The following TANC1 variants were observed in gnomAD, a reference collection of about 807,000 sequenced individuals.
The protein encoded by TANC1 is tetratricopeptide repeat, ankyrin repeat and coiled-coil containing 1.
A neutral mutation model predicts 149.7 loss-of-function variants in TANC1; 77 were observed. The ratio of observed to expected loss-of-function variants is 0.51; its 90% CI spans 0.43 to 0.62. The LOEUF (loss-of-function observed/expected upper bound fraction) is 0.62. Ranked by LOEUF, TANC1 falls within the 20% of genes least tolerant of loss-of-function variation. The pLI is 0.00. For synonymous variants in TANC1, 854 were observed against 925.0 expected, an observed-to-expected ratio of 0.92 and a Z score of 1.39; for missense variants, 1,985 against 2,321.8, an observed-to-expected ratio of 0.85 and a Z score of 2.98.
intron 16 of TANC1, 33 bp downstream of exon 16, chr2:159,187,057 C>A: frequency 1.9e-6 from 3 of 1,609,660 alleles, no homozygotes; most frequent in Non-Finnish European, 2.5e-6. Context: ...AGCCGGAGAC[C>A]CAGCCCTGGC....
intron 14 of TANC1, 80 bp from the exon 15 acceptor site, chr2:159,185,711 A>G (rs2056909193): frequency 1.1e-6 from 1 of 892,394 alleles, no homozygotes; most frequent in Non-Finnish European, 1.8e-6. Flanking sequence ...GACTAAGGCA[A>G]TGGGTGGTGA....
At chr2:159,160,197 G>A (rs559496104) in intron 7 of TANC1, among the ~76,000 whole-genome samples, 105 of 152,142 alleles carry the variant, frequency 6.9e-4, no homozygotes, top group African/African-American at 2.4e-3. Context: ...ACCCAGTTTG[G>A]GTGATGATAG....
intron 2 of TANC1, among the ~76,000 whole-genome samples, chr2:159,041,441 C>T (rs1476614699): frequency 3.3e-5 from 5 of 152,224 alleles, no homozygotes; most frequent in African/African-American, 1.2e-4. Context: ...GGACTCCACA[C>T]AGTTCGAGCT....
chr2:158,990,232 G>A (rs1326786103), intron 1 of TANC1, among the ~76,000 whole-genome samples: 2 of 152,100 alleles, frequency 1.3e-5, no homozygotes, highest in Non-Finnish European at 2.9e-5. Context: ...CACAGCACCC[G>A]GCCAAAATGG....
chr2:158,977,879 T>C (rs754203540), intron 1 of TANC1, among the ~76,000 whole-genome samples: 35 of 152,252 alleles, frequency 2.3e-4, no homozygotes, highest in Non-Finnish European at 4.4e-4. Flanking sequence ...CCTGATACTT[T>C]GTTTCAATTT....
intron 3 of TANC1, among the ~76,000 whole-genome samples, chr2:159,094,489 C>T (rs562946602): frequency 2.0e-4 from 31 of 152,262 alleles, no homozygotes; most frequent in Non-Finnish European, 3.7e-4. Flanking sequence ...ACAACCATCC[C>T]TCAGCTTTTA....
At chr2:159,227,792 C>A (rs1194756495) in intron 24 of TANC1, 27 bp from the exon 25 acceptor site, 6 of 1,612,322 alleles carry the variant, frequency 3.7e-6, no homozygotes, top group Non-Finnish European at 4.2e-6. Context: ...TGAAAAAGGA[C>A]AAATGTTTGT....
intron 22 of TANC1, among the ~76,000 whole-genome samples, chr2:159,220,944 A>G (rs2059670851): frequency 6.6e-6 from 1 of 152,204 alleles, no homozygotes; most frequent in African/African-American, 2.4e-5. Flanking sequence ...ATGTTTTGAT[A>G]CTTGTACACA....
chr2:159,058,807 G>T (rs1267373769), intron 2 of TANC1, among the ~76,000 whole-genome samples: 1 of 151,236 alleles, frequency 6.6e-6, no homozygotes, highest in African/African-American at 2.4e-5. Flanking sequence ...ACTGGCTAAG[G>T]TAAGGTGTTT....
At chr2:159,161,633 A>G (rs1237136815) in intron 7 of TANC1, among the ~76,000 whole-genome samples, 2 of 152,182 alleles carry the variant, frequency 1.3e-5, no homozygotes, top group Non-Finnish European at 2.9e-5. Context: ...CAACACCACC[A>G]TTGGCATTTT....
chr2:159,006,358 T>G (rs984367500), intron 2 of TANC1, among the ~76,000 whole-genome samples: 2 of 150,656 alleles, frequency 1.3e-5, no homozygotes, highest in South Asian at 4.2e-4. Context: ...ATACAAAATA[T>G]TTTATAAACC....
intron 2 of TANC1, chr2:159,026,915 G>C (rs956640943): frequency 1.3e-5 from 2 of 152,112 alleles, no homozygotes; most frequent in African/African-American, 2.4e-5. Context: ...GAAATGGCAG[G>C]GGTCTTTTTC....
intron 2 of TANC1, among the ~76,000 whole-genome samples, chr2:159,024,820 A>G (rs1435414028): frequency 6.6e-6 from 1 of 152,148 alleles, no homozygotes; most frequent in East Asian, 1.9e-4. Context: ...ATGTTTAGAT[A>G]TGTTTAGATA....
intron 4 of TANC1, among the ~76,000 whole-genome samples, chr2:159,107,243 T>C (rs2047273713): frequency 6.6e-6 from 1 of 152,166 alleles, no homozygotes; most frequent in Non-Finnish European, 1.5e-5. Flanking sequence ...GCCAGGCTGG[T>C]CTCGAACTCC....
intron 4 of TANC1, among the ~76,000 whole-genome samples, chr2:159,131,319 A>C (rs925741579): frequency 1.3e-5 from 2 of 152,180 alleles, no homozygotes; most frequent in African/African-American, 4.8e-5. Context: ...TCCAGAGAAT[A>C]AACTTGGCCT....
intron 1 of TANC1, among the ~76,000 whole-genome samples, chr2:158,994,897 A>G (rs2035993973): frequency 6.6e-6 from 1 of 152,246 alleles, no homozygotes; most frequent in Non-Finnish European, 1.5e-5. Context: ...TTCTTTTTAA[A>G]CCAGTGATAC....
intron 2 of TANC1, among the ~76,000 whole-genome samples, chr2:159,043,123 T>TTTTA (rs2040783402): frequency 6.6e-6 from 1 of 152,204 alleles, no homozygotes; most frequent in Non-Finnish European, 1.5e-5. Flanking sequence ...CCCCGGTCAC[T>TTTTA]CTGCTTTTAC....
chr2:159,046,739 T>C (rs942052911), intron 2 of TANC1, among the ~76,000 whole-genome samples: 1 of 150,994 alleles, frequency 6.6e-6, no homozygotes, highest in African/African-American at 2.4e-5. Context: ...TAGCTAGGAG[T>C]ACAGGCGCGA....
chr2:158,987,496 C>T (rs1236664280), intron 1 of TANC1, among the ~76,000 whole-genome samples: 1 of 152,190 alleles, frequency 6.6e-6, no homozygotes, highest in African/African-American at 2.4e-5. Context: ...CCACTGCACT[C>T]CAGCCTGTAC....
Sources: allele counts gnomAD v4.1 joint callset (sites outside exome capture counted in the v4.1 genomes callset), GRCh38; gene constraint gnomAD v4.1.1; transcripts MANE v1.5; gene names NCBI Gene and HGNC (gene_info 2026-07-23, HGNC 2026-07-21).